CD163L1: variants seen among roughly 807,000 people sequenced by gnomAD.
The protein encoded by CD163L1 is CD163 molecule like 1.
In CD163L1, 124 loss-of-function variants were observed where a neutral mutation model predicts 165.4. The observed-to-expected ratio is 0.75, with a 90% CI of 0.65 to 0.87. The LOEUF is 0.87. Ranked by LOEUF, CD163L1 falls within the 40% of genes least tolerant of loss-of-function variation. The pLI, the probability that CD163L1 is intolerant of heterozygous loss-of-function variation, is 0.00. For missense variants in CD163L1, 1,525 were observed against 1,799.9 expected, an observed-to-expected ratio of 0.85 and a Z score of 2.76; for synonymous variants, 585 against 662.2, an observed-to-expected ratio of 0.88 and a Z score of 1.79.
chr12:7,396,451 T>C (rs372355518), intron 7 of CD163L1, 36 bp from the exon 8 acceptor site: 1 of 1,531,898 alleles, frequency 6.5e-7, no homozygotes, highest in African/African-American at 1.4e-5. Flanking sequence ...AGTTAATGGG[T>C]GTGATGGTTT....
At chr12:7,403,318 G>A (rs946283294) in intron 6 of CD163L1, among the ~76,000 whole-genome samples, 2 of 152,200 alleles carry the variant, frequency 1.3e-5, no homozygotes, top group African/African-American at 4.8e-5. Context: ...TACTCATGCA[G>A]TGGTAGCAGC....
chr12:7,335,179 A>G, the CD163L1 span, among the ~76,000 whole-genome samples: 1 of 152,094 alleles, frequency 6.6e-6, no homozygotes, highest in Non-Finnish European at 1.5e-5. Flanking sequence ...AGCCTGCATC[A>G]CCAAGTCAAT....
chr12:7,410,517 T>A (rs1389464533), intron 4 of CD163L1, among the ~76,000 whole-genome samples: 1 of 151,014 alleles, frequency 6.6e-6, no homozygotes, highest in Admixed American at 6.6e-5. Flanking sequence ...GGCAGGAGGA[T>A]CGCTTGAATC....
intron 4 of CD163L1, among the ~76,000 whole-genome samples, chr12:7,415,359 A>G (rs1026417204): frequency 6.6e-6 from 1 of 152,214 alleles, no homozygotes; most frequent in Non-Finnish European, 1.5e-5. Flanking sequence ...ACTACTACAA[A>G]AGAATAATCA....
intron 4 of CD163L1, among the ~76,000 whole-genome samples, chr12:7,414,542 T>A: frequency 6.7e-6 from 1 of 148,304 alleles, no homozygotes; most frequent in Non-Finnish European, 1.5e-5. Flanking sequence ...AACAGAAATT[T>A]AAAAATTAAT....
At chr12:7,327,448 AC>A in the CD163L1 span, among the ~76,000 whole-genome samples, 8 of 152,128 alleles carry the variant, frequency 5.3e-5, no homozygotes. Context: ...TATCCCTAAT[AC>A]CCCTATAAAT....
At position 7,432,059 on chromosome 12, in the gene CD163L1, A is replaced by G. The variant is rs992032047; in HGVS notation, c.766+357T>C. 1.5e-4 allele frequency among the ~76,000 whole-genome samples: 23 copies of G among 152,226 alleles called. No homozygotes were observed. The highest frequency in any genetic ancestry group is 2.6e-4 in the Non-Finnish European group (18 of 68,032). On this transcript the variant is annotated intron_variant, in intron 4 of 19. Transcript: ENST00000313599. The surrounding 1 kb of genome is among the most constrained non-coding windows in gnomAD (Gnocchi z 4.2). ...TAAGTTTTGGTAGCTGGAAAGAATT[A>G]GTAAAGTGGGGAAACTAGACTAAGA...
At chr12:7,362,395 TATAG>T (rs886190713) in intron 18 of CD163L1, among the ~76,000 whole-genome samples, 2 of 137,056 alleles carry the variant, frequency 1.5e-5, no homozygotes, top group African/African-American at 5.4e-5. Flanking sequence ...TAATTACAAT[TATAG>T]ATAATTATAT....
rs1947336418 is a variant in CD163L1, at chr12:7,379,232, T to C, written c.2117A>G (p.Asn706Ser). ...CAGAATTCCCACGGCACCCTGGACA[T>C]TCACCTCAACTTTTCCAGCACACCT... ...SSRCAGKVEV[N>S]VQGAVGILCA... The change falls in exon 9 of 20, where the codon AAT becomes AGT. Residue 706 changes from asparagine (N) to serine (S), a missense_variant. Transcript: ENST00000313599. The C allele has an allele frequency of 1.9e-6, 3 of 1,614,152 alleles. No homozygotes were observed. Among genetic ancestry groups the C allele is most frequent in the Non-Finnish European group, 2.5e-6 (3 of 1,180,008 alleles).
intron 8 of CD163L1, among the ~76,000 whole-genome samples, chr12:7,395,062 A>C (rs1171437101): frequency 6.6e-6 from 1 of 152,222 alleles, no homozygotes; most frequent in Non-Finnish European, 1.5e-5. Flanking sequence ...TAGAACTAGA[A>C]ATACCATTTG....
Position 7,398,667 on chromosome 12 carries a change from C to A in CD163L1, c.1409-83G>T. ...CTGAAAAGACTCTCTAAATTCACGA[C>A]TATAAGGCTTTGCCTAACAGGTGAT... On this transcript the variant is annotated intron_variant, in intron 6 of 19. Transcript: ENST00000313599. This position sits in a 1 kb window ranked among gnomAD's most constrained non-coding sequence, Gnocchi z 4.5. 2 of 1,230,942 alleles carry A rather than the reference C, an allele frequency of 1.6e-6. No homozygotes were observed. Among genetic ancestry groups the A allele is most frequent in the South Asian group, 1.8e-5 (1 of 54,512 alleles). 76.3% of individuals were successfully genotyped at this position (1,230,942 alleles called of 1,614,324 possible).
In CD163L1 at chr12:7,432,984, A is replaced by C. The variant is rs1948654583; in HGVS notation, c.446-248T>G. Among the ~76,000 whole-genome samples, 1 of 152,216 alleles carries C rather than the reference A, an allele frequency of 6.6e-6. No individual in the cohort carries two copies. Among genetic ancestry groups the C allele is most frequent in the Non-Finnish European group, 1.5e-5 (1 of 68,038 alleles). On this transcript the variant is annotated intron_variant, in intron 3 of 19. Transcript: ENST00000313599. The surrounding 1 kb of genome is among the most constrained non-coding windows in gnomAD (Gnocchi z 4.2). ...TTCTTTATCATTTTGCTTTAATTTTATACCTCATTTTTCAGAAAATATTTG... is the reference window on the plus strand; with the variant it reads ...TTCTTTATCATTTTGCTTTAATTTTCTACCTCATTTTTCAGAAAATATTTG...
downstream of CD163L1, among the ~76,000 whole-genome samples, chr12:7,342,353 G>C (rs1273542551): frequency 1.3e-5 from 2 of 152,194 alleles, no homozygotes; most frequent in East Asian, 1.9e-4. Flanking sequence ...CAGATAACTA[G>C]CCAAACCCAT....
At chr12:7,412,591 A>G (rs1948157456) in intron 4 of CD163L1, among the ~76,000 whole-genome samples, 1 of 152,188 alleles carries the variant, frequency 6.6e-6, no homozygotes, top group Non-Finnish European at 1.5e-5. Flanking sequence ...TAAATCATAG[A>G]TAAAAAATAT....
At position 7,398,269 on chromosome 12, in the gene CD163L1, C is replaced by T. The variant is rs772805172; in HGVS notation, c.1724G>A (p.Cys575Tyr). ...TAAACAAGAACAAGTCTTACCTGAG[C>T]AGGTTACAATCACATCCTCTCTGTG... ...CVHREDVIVT[C>Y]SGDATWGLRL... Residue 575 changes from cysteine to tyrosine, a missense_variant, in exon 7 of 20, where the codon TGC becomes TAC. Coordinates refer to ENST00000313599, the MANE Select transcript of CD163L1 (RefSeq NM_174941.6). The surrounding 1 kb of genome is among the most constrained non-coding windows in gnomAD (Gnocchi z 4.5). The T allele has an allele frequency of 1.4e-5, 22 of 1,611,934 alleles. No homozygotes were observed. Among genetic ancestry groups the T allele is most frequent in the Non-Finnish European group, 1.7e-5 (20 of 1,178,680 alleles).
At chr12:7,341,809 CTA>C (rs1474854755), downstream of CD163L1, among the ~76,000 whole-genome samples, 3 of 152,076 alleles carry the variant, frequency 2.0e-5, no homozygotes, top group Non-Finnish European at 4.4e-5. Flanking sequence ...GTCATTTAGC[CTA>C]TATGGAATTA....
the CD163L1 span, among the ~76,000 whole-genome samples, chr12:7,334,933 A>T: frequency 5.6e-4 from 85 of 152,352 alleles, 1 homozygote; most frequent in East Asian, 0.015. Context: ...CCAATTTACA[A>T]GGGATGTGAA....
At chr12:7,411,744 A>T (rs1348455542) in intron 4 of CD163L1, among the ~76,000 whole-genome samples, 1 of 152,204 alleles carries the variant, frequency 6.6e-6, no homozygotes, top group Non-Finnish European at 1.5e-5. Flanking sequence ...CCTTCATAGC[A>T]ATGCAAATGG....
chr12:7,369,317 A>G lies in CD163L1; in HGVS notation c.4039+40T>C, dbSNP rs1042204121. ...CTGTTTCCCAGTGTTCTCTACCATT[A>G]GTGGGAGGCTCAGTTTAAGTGCAGC... On this transcript the variant is annotated intron_variant, in intron 15 of 19. Coordinates refer to ENST00000313599, the MANE Select transcript of CD163L1 (RefSeq NM_174941.6). The surrounding 1 kb of genome is among the most constrained non-coding windows in gnomAD (Gnocchi z 4.9). 25 of 1,581,278 alleles carry G rather than the reference A, an allele frequency of 1.6e-5. No homozygotes were observed. The highest frequency in any genetic ancestry group is 2.1e-5 in the Non-Finnish European group (24 of 1,156,694).
Sources: gnomAD v4.1 joint callset for allele counts (sites outside exome capture counted in the v4.1 genomes callset) on GRCh38, gnomAD v4.1.1 for gene constraint, Gnocchi (gnomAD v3.1) non-coding constraint, MANE v1.5 for transcripts, NCBI Gene and HGNC (gene_info 2026-07-23, HGNC 2026-07-21) for gene names.